Variants in OR9G1 observed in about 807,000 individuals in gnomAD.
OR9G1 encodes olfactory receptor 9G1.
A neutral mutation model predicts 14.5 loss-of-function variants in OR9G1; 21 were observed. The ratio of observed to expected loss-of-function variants is 1.45; its 90% CI spans 1.03 to 2.09. The LOEUF is 2.09. Ranked by LOEUF, OR9G1 falls within the 30% of genes most tolerant of loss-of-function variation. The pLI, the probability that OR9G1 is intolerant of heterozygous loss-of-function variation, is 0.00. For synonymous variants in OR9G1, 179 were observed against 153.3 expected, an observed-to-expected ratio of 1.17 and a Z score of -1.24; for missense variants, 476 against 364.2, an observed-to-expected ratio of 1.31 and a Z score of -2.50.
Position 56,700,470 on chromosome 11 carries a change from T to TG in OR9G1, c.85dup (p.Val29GlyfsTer14). The TG allele has an allele frequency of 6.2e-7, 1 of 1,614,286 alleles. No individual in the cohort carries two copies. ...CCAGGAATGCAGCTGGGCCTCTTCG[T>TG]GGTGTTCCTGGGCGTGTACTCTCTC... On this transcript the variant is annotated frameshift_variant, in exon 2 of 2. Coordinates refer to ENST00000642097, the MANE Select transcript of OR9G1 (RefSeq NM_001005213.2). LOFTEE classifies it high-confidence loss of function.
chr11:56,703,721 CTTCTA>C lies in OR9G1; in HGVS notation c.*2422_*2426del, dbSNP rs1472794565. 1.3e-5 allele frequency: 2 copies of C among 152,308 alleles called. No individual in the cohort carries two copies. The highest frequency in any genetic ancestry group is 2.4e-5 in the African/African-American group (1 of 41,488). 9.4% of individuals were successfully genotyped at this position (152,308 alleles called of 1,614,324 possible). On this transcript the variant is annotated 3_prime_UTR_variant, in exon 2 of 2. Transcript: ENST00000642097. ...AAGAGAGTCTCAAACTACTTGACGGCTTCTATTCTAATATTTTTATGGGAGCCTAC... is the reference window on the plus strand; with the variant it reads ...AAGAGAGTCTCAAACTACTTGACGGCTTCTAATATTTTTATGGGAGCCTAC...
rs975262928 is a variant in OR9G1 at position 56,701,419 on chromosome 11, G to A, written c.*114G>A. 1 of 1,383,438 alleles carries A rather than the reference G, an allele frequency of 7.2e-7. No homozygotes were observed. Among genetic ancestry groups the A allele is most frequent in the Non-Finnish European group, 9.6e-7 (1 of 1,044,206 alleles). The allele number at this position is 1,383,438 out of a possible 1,614,324, so 85.7% of individuals were successfully genotyped here. On this transcript the variant is annotated 3_prime_UTR_variant, in exon 2 of 2. Transcript: ENST00000642097. ...GTGATCAGTCCCCTTCTTGACACGTGAGAGTTACAGACATGTACAATAAGA... is the reference window on the plus strand; with the variant it reads ...GTGATCAGTCCCCTTCTTGACACGTAAGAGTTACAGACATGTACAATAAGA...
At position 56,701,123 on chromosome 11, in the gene OR9G1, T is replaced by C. The variant is rs772306891; in HGVS notation, c.736T>C (p.Ser246Pro). The C allele has an allele frequency of 5.6e-6, 9 of 1,614,320 alleles. No homozygotes were observed. The Admixed American group carries it at 1.5e-4, about 27-fold the overall frequency. ...CTCCACATGCTCCTCCCACCTGACC[T>C]CTGTCACTTTATACTATGGCTCCAT... ...AFSTCSSHLT[S>P]VTLYYGSILY... The change falls in exon 2 of 2, where the codon TCT becomes CCT. Residue 246 changes from serine to proline, a missense_variant. Physicochemically the swap from Ser to Pro is moderately conservative, Grantham distance 74. This residue lies in a region of OR9G1 where 352 missense variants were observed against 211.6 expected (regional missense o/e 1.66). Coordinates refer to ENST00000642097, the MANE Select transcript of OR9G1 (RefSeq NM_001005213.2).
chr11:56,701,323 C>G lies in OR9G1; in HGVS notation c.*18C>G, dbSNP rs778609742. On this transcript the variant is annotated 3_prime_UTR_variant, in exon 2 of 2. Coordinates refer to ENST00000642097, the MANE Select transcript of OR9G1 (RefSeq NM_001005213.2). The stretch of plus-strand genomic sequence containing the variant: ...TCCCATAAATCAAGATTATCTCCAC[C>G]AGAGGAGAAACAAAGACGACCTTAG... The G allele has an allele frequency of 1.9e-6, 3 of 1,578,868 alleles. No individual in the cohort carries two copies. The East Asian group carries it at 6.7e-5, about 35-fold the overall frequency.
chr11:56,701,586 A>T lies in OR9G1; in HGVS notation c.*281A>T, dbSNP rs1057297261. ...CATAAAGTGAGGAACAGCCTACCTC[A>T]TTAGCCTAAGATTTGGCTAACTGAT... is the stretch of plus-strand genomic sequence containing the variant. On this transcript the variant is annotated 3_prime_UTR_variant, in exon 2 of 2. Transcript: ENST00000642097. 3 of 449,842 alleles carry T rather than the reference A, an allele frequency of 6.7e-6. No individual in the cohort carries two copies. The highest frequency in any genetic ancestry group is 7.7e-6 in the Non-Finnish European group (2 of 261,372). The allele number at this position is 449,842 out of a possible 1,614,324, so 27.9% of individuals were successfully genotyped here. A position where few individuals can be genotyped will look rare whatever the true frequency, so the allele number is the denominator to read the frequency against.
rs1590579964 is a variant in OR9G1 at position 56,700,542 on chromosome 11, C to T, written c.155C>T (p.Ser52Phe). 1.9e-6 allele frequency: 3 copies of T among 1,614,310 alleles called. No homozygotes were observed. The highest frequency in any genetic ancestry group is 1.3e-5 in the African/African-American group (1 of 75,090). ...STLIVLICND[S>F]CLHTPMYFFT... is the part of the protein sequence containing the mutation. ...CTCATCGTGTTGATCTGTAATGACT[C>T]CTGCCTCCACACACCCATGTATTTT... The change falls in exon 2 of 2, where the codon TCC becomes TTC. Residue 52 changes from serine to phenylalanine, a missense_variant. By Grantham distance (155) the Ser-to-Phe change is radical. Transcript: ENST00000642097.
chr11:56,700,302 T>C (rs949719495), intron 1 of OR9G1, 68 bp from the exon 2 acceptor site: 10 of 1,552,180 alleles, frequency 6.4e-6, no homozygotes, highest in Non-Finnish European at 8.7e-6. Flanking sequence ...GCAAATGTGA[T>C]CTTATGTAAC....
In OR9G1 at chr11:56,700,943, C is replaced by A; in HGVS notation, c.556C>A (p.Leu186Met). Residue 186 changes from leucine (L) to methionine (M), a missense_variant, in exon 2 of 2, where the codon CTG becomes ATG. Leu to Met is a conservative substitution (Grantham distance 15, BLOSUM62 2). This residue lies in a region of OR9G1 where 352 missense variants were observed against 211.6 expected (regional missense o/e 1.66). Transcript: ENST00000642097. ...CTGTGATTTGCTTCCCTTGGTGGAG[C>A]TGGCCTGTGGCGAGAAGGGCGGCTA... ...FFCDLLPLVE[L>M]ACGEKGGYKI... is the part of the protein sequence containing the mutation. 2 of 1,614,260 alleles carry A rather than the reference C, an allele frequency of 1.2e-6. No homozygotes were observed. The highest frequency in any genetic ancestry group is 1.3e-5 in the African/African-American group (1 of 75,090).
In OR9G1 at chr11:56,701,485, GA is replaced by G; in HGVS notation, c.*182del. 1 of 889,820 alleles carries G rather than the reference GA, an allele frequency of 1.1e-6. No individual in the cohort carries two copies. The highest frequency in any genetic ancestry group is 1.6e-6 in the Non-Finnish European group (1 of 623,882). 55.1% of individuals were successfully genotyped at this position (889,820 alleles called of 1,614,324 possible). A position where few individuals can be genotyped will look rare whatever the true frequency, so the allele number is the denominator to read the frequency against. ...CGGACAAAAACATCTGAATATATAAGAATTTGAATTGAATTTCCTATCTCTC... is the reference window on the plus strand; with the variant it reads ...CGGACAAAAACATCTGAATATATAAGATTTGAATTGAATTTCCTATCTCTC... On this transcript the variant is annotated 3_prime_UTR_variant, in exon 2 of 2. Transcript: ENST00000642097.
rs1044896299 is a variant in OR9G1, at chr11:56,700,009, G to C, written c.-18-361G>C. On this transcript the variant is annotated intron_variant, in intron 1 of 1. Coordinates refer to ENST00000642097, the MANE Select transcript of OR9G1 (RefSeq NM_001005213.2). ...CTTTTTAAACTATATTTAAAAGAGG[G>C]ATGCCCAGTATTTTAAAGACAAACA... 3.3e-5 allele frequency among the ~76,000 whole-genome samples: 5 copies of C among 152,302 alleles called. No homozygotes were observed. The East Asian group carries it at 9.6e-4, about 29-fold the overall frequency.
Position 56,701,397 on chromosome 11 carries a change from A to ACAG in OR9G1, c.*92_*93insCAG. On this transcript the variant is annotated 3_prime_UTR_variant, in exon 2 of 2. Coordinates refer to ENST00000642097, the MANE Select transcript of OR9G1 (RefSeq NM_001005213.2). ...AGAGTTACCATTGTGCTTTATCGTG[A>ACAG]TCAGTCCCCTTCTTGACACGTGAGA... 6.7e-7 allele frequency: 1 copy of ACAG among 1,484,388 alleles called. No individual in the cohort carries two copies. The highest frequency in any genetic ancestry group is 8.9e-7 in the Non-Finnish European group (1 of 1,121,042). 92.0% of individuals were successfully genotyped at this position (1,484,388 alleles called of 1,614,324 possible). A position where few individuals can be genotyped will look rare whatever the true frequency, so the allele number is the denominator to read the frequency against.
chr11:56,700,208 A>G (rs1176518610), intron 1 of OR9G1, among the ~76,000 whole-genome samples, 162 bp from the exon 2 acceptor site: 1 of 152,426 alleles, frequency 6.6e-6, no homozygotes, highest in African/African-American at 2.4e-5. Context: ...AATTGAATAC[A>G]TAATTGCAAA....
intron 1 of OR9G1, 66 bp from the exon 2 acceptor site, chr11:56,700,304 T>C (rs1342642647): frequency 6.4e-7 from 1 of 1,555,386 alleles, no homozygotes; most frequent in Non-Finnish European, 8.7e-7. Flanking sequence ...AAATGTGATC[T>C]TATGTAACAT....
chr11:56,701,403 C>CCT lies in OR9G1; in HGVS notation c.*99_*100insTC. On this transcript the variant is annotated 3_prime_UTR_variant, in exon 2 of 2. Coordinates refer to ENST00000642097, the MANE Select transcript of OR9G1 (RefSeq NM_001005213.2). ...ACCATTGTGCTTTATCGTGATCAGTCCCCTTCTTGACACGTGAGAGTTACA... is the reference window on the plus strand; with the variant it reads ...ACCATTGTGCTTTATCGTGATCAGTCCTCCCTTCTTGACACGTGAGAGTTACA... 1 of 1,464,426 alleles carries CCT rather than the reference C, an allele frequency of 6.8e-7. No homozygotes were observed. Among genetic ancestry groups the CCT allele is most frequent in the Non-Finnish European group, 9.0e-7 (1 of 1,106,896 alleles). 90.7% of individuals were successfully genotyped at this position (1,464,426 alleles called of 1,614,324 possible). A position where few individuals can be genotyped will look rare whatever the true frequency, so the allele number is the denominator to read the frequency against.
chr11:56,699,686 A>G (rs1857574782), intron 1 of OR9G1, among the ~76,000 whole-genome samples: 1 of 844 alleles, frequency 1.2e-3, no homozygotes. Flanking sequence ...TTTTCAAGTC[A>G]TCATAAGAAA....
At position 56,700,926 on chromosome 11, in the gene OR9G1, T is replaced by C; in HGVS notation, c.539T>C (p.Leu180Ser). The C allele has an allele frequency of 6.2e-7, 1 of 1,614,262 alleles. No individual in the cohort carries two copies. The highest frequency in any genetic ancestry group is 1.1e-5 in the South Asian group (1 of 91,092). Residue 180 changes from leucine to serine, a missense_variant, in exon 2 of 2, where the codon TTG becomes TCG. By Grantham distance (145) the Leu-to-Ser change is moderately radical (BLOSUM62 -2). This residue lies in a region of OR9G1 where 352 missense variants were observed against 211.6 expected (regional missense o/e 1.66). Coordinates refer to ENST00000642097, the MANE Select transcript of OR9G1 (RefSeq NM_001005213.2). ...ENIIDDFFCDLLPLVELACGE... is the reference protein window; with the variant it reads ...ENIIDDFFCDSLPLVELACGE... ...ATCATTGATGACTTTTTCTGTGATTTGCTTCCCTTGGTGGAGCTGGCCTGT... is the reference window on the plus strand; with the variant it reads ...ATCATTGATGACTTTTTCTGTGATTCGCTTCCCTTGGTGGAGCTGGCCTGT...
Position 56,700,828 on chromosome 11 carries a change from A to C in OR9G1, c.441A>C (p.Ser147=). The C allele has an allele frequency of 6.2e-7, 1 of 1,614,318 alleles. No homozygotes were observed. Among genetic ancestry groups the C allele is most frequent in the Non-Finnish European group, 8.5e-7 (1 of 1,180,062 alleles). The change falls in exon 2 of 2, where the codon TCA becomes TCC. Residue 147 remains serine, a synonymous_variant. Transcript: ENST00000642097. ...IKLCALLVAV[S]YCGGFINSSI... ...TGTGTGCATTGCTGGTAGCAGTCTC[A>C]TATTGTGGTGGCTTTATTAACTCTT...
At chr11:56,700,217 AAGCCTG>A in intron 1 of OR9G1, 147 bp from the exon 2 acceptor site, 2 of 414,136 alleles carry the variant, frequency 4.8e-6, no homozygotes, top group Non-Finnish European at 6.5e-6. Flanking sequence ...CATAATTGCA[AAGCCTG>A]ATTGTTGCAA....
At chr11:56,699,570 G>T (rs1238546144) in intron 1 of OR9G1, among the ~76,000 whole-genome samples, 1 of 152,312 alleles carries the variant, frequency 6.6e-6, no homozygotes, top group African/African-American at 2.4e-5. Flanking sequence ...GTCAAGAATT[G>T]TCTTTACAGT....
Sources: allele counts gnomAD v4.1 joint callset (sites outside exome capture counted in the v4.1 genomes callset), GRCh38; gene constraint gnomAD v4.1.1; regional missense constraint gnomAD v4.1.1; transcripts MANE v1.5; gene names NCBI Gene and HGNC (gene_info 2026-07-23, HGNC 2026-07-21).